The following PSPC1 variants were observed in gnomAD, a reference collection of about 807,000 sequenced individuals.
The protein encoded by PSPC1 is paraspeckle component 1.
PSPC1 carries 14 observed loss-of-function variants against 51.6 expected under a neutral mutation model. That is an observed-to-expected ratio of 0.27 (90% confidence interval 0.18 to 0.42). The LOEUF (loss-of-function observed/expected upper bound fraction) is 0.42. Among genes scored for constraint, PSPC1 ranks in the 10% least tolerant of loss-of-function variants. The pLI is 1.00. For synonymous variants in PSPC1, 193 were observed against 231.9 expected, an observed-to-expected ratio of 0.83 and a Z score of 1.53; for missense variants, 406 against 701.1, an observed-to-expected ratio of 0.58 and a Z score of 4.75.
downstream of PSPC1, among the ~76,000 whole-genome samples, chr13:19,700,674 A>G (rs1879792707): frequency 6.6e-6 from 1 of 152,134 alleles, no homozygotes; most frequent in South Asian, 2.1e-4. Context: ...GTAGCACATG[A>G]AACATTAAGT....
At chr13:19,752,559 G>GT (rs1347040710) in intron 3 of PSPC1, among the ~76,000 whole-genome samples, 1 of 151,500 alleles carries the variant, frequency 6.6e-6, no homozygotes, top group Non-Finnish European at 1.5e-5. Context: ...CTGGTCCCCA[G>GT]TCAATTTTTT....
intron 6 of PSPC1, among the ~76,000 whole-genome samples, chr13:19,718,996 T>C (rs376687746): frequency 1.3e-5 from 2 of 150,552 alleles, no homozygotes; most frequent in East Asian, 2.0e-4. Flanking sequence ...AGAGCACAGA[T>C]TTTTAAGGAG....
exon 7 of PSPC1, chr13:19,677,815 T>C (rs569400514): frequency 2.0e-6 from 1 of 489,924 alleles, no homozygotes; most frequent in African/African-American, 1.9e-5. Context: ...CACATTTTCT[T>C]TTATCACCCT....
intron 6 of PSPC1, among the ~76,000 whole-genome samples, chr13:19,696,919 A>C (rs1332811437): frequency 6.6e-6 from 1 of 152,218 alleles, no homozygotes; most frequent in African/African-American, 2.4e-5. Context: ...CTAGTTCAAA[A>C]ATGTATGATA....
intron 4 of PSPC1, 114 bp from the exon 5 acceptor site, chr13:19,741,763 T>C (rs1593679837): frequency 3.5e-6 from 2 of 568,422 alleles, no homozygotes; most frequent in East Asian, 6.0e-5. Flanking sequence ...ACTCATTTTA[T>C]AATAATGTAA....
At position 19,771,385 on chromosome 13, in the gene PSPC1, G is replaced by A. The variant is rs9506374; in HGVS notation, c.674+857C>T. ...ACTCCTGAGCTCAGGCAATCCACCC[G>A]CCTGGGCCTCCCAGAGTGCTGGGAT... On this transcript the variant is annotated intron_variant, in intron 2 of 8. Transcript: ENST00000338910. Among the ~76,000 whole-genome samples, 245 of 152,148 alleles carry A rather than the reference G, an allele frequency of 1.6e-3. 1 individual carries two copies. Among genetic ancestry groups the A allele is most frequent in the Non-Finnish European group, 3.1e-3 (211 of 67,988 alleles).
chr13:19,763,288 T>C (rs1184227396), intron 2 of PSPC1, among the ~76,000 whole-genome samples: 1 of 152,176 alleles, frequency 6.6e-6, no homozygotes, highest in East Asian at 1.9e-4. Flanking sequence ...CCCAAAGTGC[T>C]GGGATTATAG....
At chr13:19,726,243 C>A (rs551375574) in intron 6 of PSPC1, among the ~76,000 whole-genome samples, 1 of 152,284 alleles carries the variant, frequency 6.6e-6, no homozygotes, top group Non-Finnish European at 1.5e-5. Context: ...CTAACACTCC[C>A]AGGATCCATG....
At chr13:19,709,118 C>T (rs999935684) in intron 7 of PSPC1, among the ~76,000 whole-genome samples, 2 of 135,552 alleles carry the variant, frequency 1.5e-5, no homozygotes, top group Admixed American at 1.7e-4. Flanking sequence ...AAGTTTGTGC[C>T]ACTGTACTCC....
chr13:19,739,513 C>G (rs1424508213), intron 5 of PSPC1, among the ~76,000 whole-genome samples: 1 of 151,902 alleles, frequency 6.6e-6, no homozygotes, highest in African/African-American at 2.4e-5. Context: ...TTTGGGAGGC[C>G]GAGGCAGGTA....
intron 3 of PSPC1, among the ~76,000 whole-genome samples, chr13:19,752,234 T>C (rs7139825): frequency 1.3e-5 from 2 of 152,038 alleles, no homozygotes; most frequent in African/African-American, 4.8e-5. Context: ...TAATTATTTA[T>C]TACCTCTTTC....
At chr13:19,781,693 T>C (rs1238848437) in intron 1 of PSPC1, among the ~76,000 whole-genome samples, 1 of 152,008 alleles carries the variant, frequency 6.6e-6, no homozygotes. Context: ...AGGTGAGAAA[T>C]AAAGTGGCAG....
intron 4 of PSPC1, 28 bp downstream of exon 4, chr13:19,751,242 AC>A: frequency 6.7e-7 from 1 of 1,489,548 alleles, no homozygotes; most frequent in South Asian, 1.5e-5. Flanking sequence ...AAAAAATCAT[AC>A]CACATGTACA....
At chr13:19,764,875 A>G (rs1887914851) in intron 2 of PSPC1, among the ~76,000 whole-genome samples, 5 of 151,998 alleles carry the variant, frequency 3.3e-5, no homozygotes, top group African/African-American at 1.2e-4. Context: ...CTGGGACTAC[A>G]AGTGTGCACC....
At chr13:19,773,534 G>A (rs963706246) in intron 1 of PSPC1, among the ~76,000 whole-genome samples, 5 of 151,894 alleles carry the variant, frequency 3.3e-5, no homozygotes, top group African/African-American at 1.2e-4. Flanking sequence ...CACCGCACCC[G>A]GCCTGTTTTT....
At position 19,772,772 on chromosome 13, in the gene PSPC1, A is replaced by G. The variant is rs534284752; in HGVS notation, c.373-229T>C. 7.0e-4 allele frequency among the ~76,000 whole-genome samples: 106 copies of G among 152,332 alleles called. 1 individual carries two copies. The highest frequency in any genetic ancestry group is 2.1e-3 in the African/African-American group (89 of 41,590). ...ATTGTTTTGTTAAAAGTAATCATTTAAAGATTAGCTCTTCATAAGGCCAGT... is the reference window on the plus strand; with the variant it reads ...ATTGTTTTGTTAAAAGTAATCATTTGAAGATTAGCTCTTCATAAGGCCAGT... On this transcript the variant is annotated intron_variant, in intron 1 of 8. Transcript: ENST00000338910.
chr13:19,714,512 T>C lies in PSPC1; in HGVS notation c.1159-4913A>G, dbSNP rs79826257. Reference sequence around the variant, plus strand: ...GCGGATTTCTTTTTTTTTTTTTTTTTCCTTTGTCAGTCTCACTCTGTTGCC... The same window carrying C: ...GCGGATTTCTTTTTTTTTTTTTTTTCCCTTTGTCAGTCTCACTCTGTTGCC... On this transcript the variant is annotated intron_variant, in intron 6 of 8. Transcript: ENST00000338910. Among the ~76,000 whole-genome samples the C allele has an allele frequency of 4.3e-3, 634 of 147,096 alleles. 5 individuals carry two copies. Among genetic ancestry groups the C allele is most frequent in the African/African-American group, 0.015 (597 of 39,430 alleles).
chr13:19,696,843 C>T (rs1593551093), intron 6 of PSPC1, among the ~76,000 whole-genome samples: 1 of 152,170 alleles, frequency 6.6e-6, no homozygotes, highest in East Asian at 1.9e-4. Context: ...AAACTTGTTT[C>T]ACAAAATCTT....
intron 6 of PSPC1, among the ~76,000 whole-genome samples, chr13:19,684,812 T>G (rs1877676003): frequency 6.6e-6 from 1 of 152,220 alleles, no homozygotes; most frequent in South Asian, 2.1e-4. Context: ...CCATTTGGCA[T>G]GAACTCCTCA....
Sources: gnomAD v4.1 joint callset for allele counts (sites outside exome capture counted in the v4.1 genomes callset) on GRCh38, gnomAD v4.1.1 for gene constraint, MANE v1.5 for transcripts, NCBI Gene and HGNC (gene_info 2026-07-23, HGNC 2026-07-21) for gene names.